CA4: variants seen among roughly 807,000 people sequenced by gnomAD.
CA4 encodes the protein CA-IV.
CA4 carries 24 observed loss-of-function variants against 34.5 expected under a neutral mutation model. That is an observed-to-expected ratio of 0.70 (90% CI 0.50 to 0.98). CA4 has a LOEUF of 0.98. Ranked by LOEUF, CA4 falls within the 50% of genes least tolerant of loss-of-function variation. The pLI, the probability that CA4 is intolerant of heterozygous loss-of-function variation, is 0.00. For missense variants in CA4, 394 were observed against 396.7 expected (o/e 0.99, Z 0.06); for synonymous variants, 178 against 170.6 (o/e 1.04, Z -0.34).
intron 5 of CA4, among the ~76,000 whole-genome samples, chr17:60,168,702 G>T (rs770107189): frequency 2.0e-5 from 3 of 152,172 alleles, no homozygotes; most frequent in Non-Finnish European, 2.9e-5. Flanking sequence ...AATGCCTAGA[G>T]GCAGTGGTCA....
At chr17:60,159,828 G>A (rs2145285001), downstream of CA4, among the ~76,000 whole-genome samples, 1 of 152,316 alleles carries the variant, frequency 6.6e-6, no homozygotes, top group East Asian at 1.9e-4. Context: ...ATATAGAGGG[G>A]GAAACTGAGG....
At chr17:60,159,192 C>T in intron 7 of CA4, 38 bp from the exon 8 acceptor site, 1 of 1,548,314 alleles carries the variant, frequency 6.5e-7, no homozygotes, top group Non-Finnish European at 8.8e-7. Context: ...AGTGCAGCTC[C>T]CCCTGCCCCG....
chr17:60,159,880 CT>C (rs1445768225), downstream of CA4, among the ~76,000 whole-genome samples: 2 of 152,226 alleles, frequency 1.3e-5, no homozygotes, highest in Non-Finnish European at 2.9e-5. Context: ...TGATTCACGC[CT>C]GTAATCCTGG....
chr17:60,157,531 G>C lies in CA4; in HGVS notation c.373G>C (p.Gly125Arg). The part of the protein sequence containing the change: ...HLHWSDLPYK[G>R]SEHSLDGEHF... Reference sequence around the variant, plus strand: ...GCACTGGTCCGACTTGCCATATAAGGGCTCGGAGCACAGCCTCGATGGGGA... The same window carrying C: ...GCACTGGTCCGACTTGCCATATAAGCGCTCGGAGCACAGCCTCGATGGGGA... The change falls in exon 4 of 8, where the codon GGC becomes CGC. Residue 125 changes from glycine (G) to arginine (R), a missense_variant. Coordinates refer to ENST00000300900, the MANE Select transcript of CA4 (RefSeq NM_000717.5). The C allele has an allele frequency of 1.2e-6, 2 of 1,614,212 alleles. No individual in the cohort carries two copies. Among genetic ancestry groups the C allele is most frequent in the Non-Finnish European group, 8.5e-7 (1 of 1,180,032 alleles).
At position 60,158,401 on chromosome 17, in the gene CA4, C is replaced by G; in HGVS notation, c.699C>G (p.Val233=). 3 of 1,614,140 alleles carry G rather than the reference C, an allele frequency of 1.9e-6. No individual in the cohort carries two copies. The highest frequency in any genetic ancestry group is 2.5e-6 in the Non-Finnish European group (3 of 1,180,024). The stretch of plus-strand genomic sequence containing the variant: ...CCACACCGACCTGCGATGAGAAGGT[C>G]GTCTGGACTGTGTTCCGGGAGCCCA... ...SLTTPTCDEK[V]VWTVFREPIQ... Residue 233 remains valine (V), a synonymous_variant, in exon 7 of 8, where the codon GTC becomes GTG. Transcript: ENST00000300900.
downstream of CA4, among the ~76,000 whole-genome samples, chr17:60,163,796 A>G (rs374817043): frequency 1.3e-5 from 2 of 151,884 alleles, no homozygotes; most frequent in East Asian, 3.9e-4. Context: ...CAGGGAAGGG[A>G]TGTGGGTGCA....
intron 5 of CA4, among the ~76,000 whole-genome samples, chr17:60,166,799 A>C (rs1229135679): frequency 6.6e-6 from 1 of 152,198 alleles, no homozygotes; most frequent in African/African-American, 2.4e-5. Flanking sequence ...TCTACTAAAA[A>C]TACAAAGATT....
Position 60,168,326 on chromosome 17 carries a change from G to T in CA4, c.*179-2225G>T, listed in dbSNP as rs899195434. Among the ~76,000 whole-genome samples, 8 of 90,718 alleles carry T rather than the reference G, an allele frequency of 8.8e-5. 1 individual carries two copies. The highest frequency in any genetic ancestry group is 1.3e-4 in the Non-Finnish European group (6 of 44,634). 59.5% of individuals were successfully genotyped at this position (90,718 alleles called of 152,430 possible). On this transcript the variant is annotated intron_variant and NMD_transcript_variant, in intron 5 of 5. Coordinates refer to the CA4 transcript ENST00000586876. The stretch of plus-strand genomic sequence containing the variant: ...AAGGGTGATTTCTTTTTATTTTTTG[G>T]GGGGGAGGTGAAGAAGGGTGATTTC...
downstream of CA4, among the ~76,000 whole-genome samples, chr17:60,164,230 CTT>C (rs1359894285): frequency 1.5e-5 from 2 of 134,916 alleles, no homozygotes; most frequent in African/African-American, 5.5e-5. Flanking sequence ...TTCTCTTTCT[CTT>C]TCTCTTTCTT....
At chr17:60,162,901 G>A (rs570082714), downstream of CA4, among the ~76,000 whole-genome samples, 52 of 152,284 alleles carry the variant, frequency 3.4e-4, 2 homozygotes, top group South Asian at 0.011. Context: ...TGAGCCATCT[G>A]TGTCCAGGGG....
At chr17:60,175,273 TA>T (rs200542423), downstream of CA4, among the ~76,000 whole-genome samples, 139 of 151,088 alleles carry the variant, frequency 9.2e-4, 2 homozygotes, top group East Asian at 0.017. Context: ...TTTAGCTTTT[TA>T]AAAGACAGCC....
chr17:60,151,035 A>G (rs1250324348), intron 1 of CA4, among the ~76,000 whole-genome samples: 3 of 152,186 alleles, frequency 2.0e-5, no homozygotes, highest in East Asian at 3.8e-4. Context: ...GCTCTTAATT[A>G]TTCCTCTAGG....
At chr17:60,176,547 A>T in the CA4 span, among the ~76,000 whole-genome samples, 1 of 151,884 alleles carries the variant, frequency 6.6e-6, no homozygotes, top group Admixed American at 6.6e-5. Flanking sequence ...TCTTCACCTC[A>T]TCTCCTGATC....
In CA4 at chr17:60,159,355, G is replaced by A. The variant is rs372070576; in HGVS notation, c.870G>A (p.Pro290=). 6.8e-6 allele frequency: 11 copies of A among 1,610,430 alleles called. No homozygotes were observed. The highest frequency in any genetic ancestry group is 5.3e-5 in the African/African-American group (4 of 74,876). The change falls in exon 8 of 8, where the codon CCG becomes CCA. Residue 290 remains proline, a synonymous_variant. Coordinates refer to ENST00000300900, the MANE Select transcript of CA4 (RefSeq NM_000717.5). ...TVIKSGAPGR[P]LPWALPALLG... ...TAAAGTCCGGGGCCCCGGGTCGGCC[G>A]CTGCCCTGGGCCCTGCCTGCCCTGC...
Position 60,158,425 on chromosome 17 carries a change from C to T in CA4, c.723C>T (p.Pro241=). Residue 241 remains proline, a synonymous_variant, in exon 7 of 8, where the codon CCC becomes CCT. Coordinates refer to ENST00000300900, the MANE Select transcript of CA4 (RefSeq NM_000717.5). ...EKVVWTVFRE[P]IQLHREQILA... is the part of the protein sequence containing the mutation. ...TCGTCTGGACTGTGTTCCGGGAGCCCATTCAGCTTCACAGAGAACAGGTGC... is the reference window on the plus strand; with the variant it reads ...TCGTCTGGACTGTGTTCCGGGAGCCTATTCAGCTTCACAGAGAACAGGTGC... 1 of 1,614,000 alleles carries T rather than the reference C, an allele frequency of 6.2e-7. No homozygotes were observed. Among genetic ancestry groups the T allele is most frequent in the Non-Finnish European group, 8.5e-7 (1 of 1,180,004 alleles).
downstream of CA4, among the ~76,000 whole-genome samples, chr17:60,161,359 G>A (rs754374655): frequency 2.8e-4 from 42 of 152,148 alleles, no homozygotes; most frequent in South Asian, 8.3e-4. Context: ...ATCAGGAGTA[G>A]GACTGGATTT....
At chr17:60,157,857 TGG>T (rs2145275791) in intron 5 of CA4, 69 bp downstream of exon 5, 1 of 1,534,884 alleles carries the variant, frequency 6.5e-7, no homozygotes, top group South Asian at 1.1e-5. Flanking sequence ...TTCAGAGACC[TGG>T]GACTCCAGCG....
chr17:60,175,189 A>ATTTTTTTTTT (rs555031745), downstream of CA4, among the ~76,000 whole-genome samples: 36 of 107,638 alleles, frequency 3.3e-4, 4 homozygotes, highest in African/African-American at 1.3e-3. Context: ...CACCCAGCTG[A>ATTTTTTTTTT]TTTTTTTTTT....
rs1385039323 is a variant in CA4, at chr17:60,159,283, G to T, written c.798G>T (p.Met266Ile). The T allele has an allele frequency of 6.2e-7, 1 of 1,610,282 alleles. No homozygotes were observed. Among genetic ancestry groups the T allele is most frequent in the Middle Eastern group, 1.7e-4 (1 of 6,056 alleles). The change falls in exon 8 of 8, where the codon ATG (methionine) becomes ATT (isoleucine). Residue 266 changes from methionine (M) to isoleucine (I), a missense_variant. Transcript: ENST00000300900. Reference protein sequence around the residue: ...LYYDKEQTVSMKDNVRPLQQL... With the variant: ...LYYDKEQTVSIKDNVRPLQQL... ...ACGACAAGGAACAGACAGTGAGCATGAAGGACAATGTCAGGCCCCTGCAGC... is the reference window on the plus strand; with the variant it reads ...ACGACAAGGAACAGACAGTGAGCATTAAGGACAATGTCAGGCCCCTGCAGC...
Sources: allele counts gnomAD v4.1 joint callset (sites outside exome capture counted in the v4.1 genomes callset), GRCh38; gene constraint gnomAD v4.1.1; transcripts MANE v1.5; gene names NCBI Gene and HGNC (gene_info 2026-07-23, HGNC 2026-07-21).